CSMD2: variants seen among roughly 807,000 people sequenced by gnomAD.
The protein encoded by CSMD2 is CUB and Sushi multiple domains 2.
Under a neutral mutation model 398.5 loss-of-function variants are expected in CSMD2, and 130 were observed. The ratio of observed to expected loss-of-function variants is 0.33; its 90% CI spans 0.28 to 0.38. The LOEUF (loss-of-function observed/expected upper bound fraction) is 0.38. Ranked by LOEUF, CSMD2 falls within the 10% of genes least tolerant of loss-of-function variation. The pLI, the probability that CSMD2 is intolerant of heterozygous loss-of-function variation, is 1.00. For missense variants in CSMD2, 3,829 were observed against 4,764.9 expected (o/e 0.80, Z 5.78); for synonymous variants, 1,828 against 1,908.5 (o/e 0.96, Z 1.10).
intron 5 of CSMD2, among the ~76,000 whole-genome samples, chr1:33,892,941 G>C (rs1181157004): frequency 6.6e-6 from 1 of 152,244 alleles, no homozygotes. Flanking sequence ...GGAGGTGAAT[G>C]ACCAAATGCA....
In CSMD2 at chr1:33,622,286, C is replaced by T; in HGVS notation, c.5723-15G>A. On this transcript the variant is annotated splice_polypyrimidine_tract_variant and intron_variant, in intron 36 of 70. Transcript: ENST00000373381. ...CACGGTTGTTCCTAGGGCAAGGACA[C>T]CAGGGAAAACCATTTAAGTTTGGCT... is the stretch of plus-strand genomic sequence containing the variant. The T allele has an allele frequency of 2.5e-6, 4 of 1,594,640 alleles. No homozygotes were observed. The highest frequency in any genetic ancestry group is 3.4e-6 in the Non-Finnish European group (4 of 1,162,476).
At chr1:33,953,355 C>G (rs1353541538) in intron 3 of CSMD2, among the ~76,000 whole-genome samples, 1 of 152,180 alleles carries the variant, frequency 6.6e-6, no homozygotes, top group African/African-American at 2.4e-5. Flanking sequence ...CCTACCCATT[C>G]TCTGCTACAC....
chr1:33,733,114 A>G (rs953956272), intron 15 of CSMD2, among the ~76,000 whole-genome samples: 1 of 152,148 alleles, frequency 6.6e-6, no homozygotes, highest in Non-Finnish European at 1.5e-5. Flanking sequence ...CTGTAACGGG[A>G]TGTAGGCTGC....
At chr1:33,658,967 C>A (rs1466126376) in intron 26 of CSMD2, among the ~76,000 whole-genome samples, 1 of 152,130 alleles carries the variant, frequency 6.6e-6, no homozygotes, top group African/African-American at 2.4e-5. Context: ...GTGAGGTTAC[C>A]GGGAGTTACT....
intron 12 of CSMD2, among the ~76,000 whole-genome samples, chr1:33,786,165 AC>A (rs1653512843): frequency 6.6e-6 from 1 of 152,296 alleles, no homozygotes; most frequent in East Asian, 1.9e-4. Flanking sequence ...GCTCTACCCC[AC>A]CCAGATCTTT....
At chr1:33,516,905 GAA>G (rs3043317) in intron 70 of CSMD2, among the ~76,000 whole-genome samples, 78,792 of 149,850 alleles carry the variant, frequency 0.53, 21,132 homozygotes, top group African/African-American at 0.64. Flanking sequence ...AAAATCAGAT[GAA>G]AAAAAAAAAA....
intron 15 of CSMD2, among the ~76,000 whole-genome samples, chr1:33,733,844 T>C (rs546533931): frequency 6.6e-6 from 1 of 152,302 alleles, no homozygotes; most frequent in Admixed American, 6.5e-5. Context: ...CCTTTATAAA[T>C]TACCCAGTCT....
chr1:33,807,823 A>G (rs1369520635), intron 10 of CSMD2, among the ~76,000 whole-genome samples: 1 of 152,178 alleles, frequency 6.6e-6, no homozygotes, highest in Non-Finnish European at 1.5e-5. Context: ...CAAGGTCTAA[A>G]TTCTTTAGTT....
chr1:33,525,729 GGC>G (rs1462265763), intron 65 of CSMD2, among the ~76,000 whole-genome samples: 8 of 152,210 alleles, frequency 5.3e-5, no homozygotes, highest in Non-Finnish European at 1.0e-4. Flanking sequence ...TTGTTGCCCA[GGC>G]TGGAGTGCAA....
At chr1:34,125,091 C>T (rs1201590662) in intron 1 of CSMD2, among the ~76,000 whole-genome samples, 1 of 152,164 alleles carries the variant, frequency 6.6e-6, no homozygotes, top group Non-Finnish European at 1.5e-5. Flanking sequence ...AGAGCCAGGC[C>T]AGACCAAATA....
intron 2 of CSMD2, among the ~76,000 whole-genome samples, chr1:34,058,033 G>A (rs1260552118): frequency 2.6e-5 from 4 of 152,154 alleles, no homozygotes; most frequent in Non-Finnish European, 5.9e-5. Flanking sequence ...GAGTAGGGGC[G>A]TGGGACGAGG....
intron 3 of CSMD2, among the ~76,000 whole-genome samples, chr1:33,984,454 G>A (rs1646279424): frequency 6.6e-6 from 1 of 152,178 alleles, no homozygotes; most frequent in South Asian, 2.1e-4. Flanking sequence ...AGACACTCAA[G>A]TGTGAAGCTC....
chr1:34,022,021 G>A (rs1365887190), intron 3 of CSMD2, among the ~76,000 whole-genome samples: 2 of 152,062 alleles, frequency 1.3e-5, no homozygotes, highest in African/African-American at 2.4e-5. Context: ...CTTACGACTG[G>A]GGGCATCTTA....
At chr1:34,092,872 G>T (rs1422708475) in intron 1 of CSMD2, among the ~76,000 whole-genome samples, 1 of 152,104 alleles carries the variant, frequency 6.6e-6, no homozygotes, top group Non-Finnish European at 1.5e-5. Context: ...GGTAAACAAA[G>T]CAGCCGGAAA....
chr1:33,776,296 C>A (rs554851086), intron 12 of CSMD2, among the ~76,000 whole-genome samples: 1 of 152,230 alleles, frequency 6.6e-6, no homozygotes, highest in Non-Finnish European at 1.5e-5. Flanking sequence ...AGAGGCCCAG[C>A]CTTAGAGACC....
chr1:33,625,403 CTAGGA>C, intron 33 of CSMD2, 149 bp from the exon 34 acceptor site: 1 of 707,842 alleles, frequency 1.4e-6, no homozygotes. Context: ...CGAGGGCTAA[CTAGGA>C]GGATGCCTGT....
intron 55 of CSMD2, among the ~76,000 whole-genome samples, chr1:33,554,401 G>A (rs1657765235): frequency 6.6e-6 from 1 of 151,870 alleles, no homozygotes; most frequent in African/African-American, 2.4e-5. Flanking sequence ...CACCATGTTG[G>A]CCAGGATGGT....
chr1:33,930,949 C>T (rs1644293696), intron 4 of CSMD2, among the ~76,000 whole-genome samples: 1 of 152,216 alleles, frequency 6.6e-6, no homozygotes, highest in African/African-American at 2.4e-5. Flanking sequence ...CAGACCAAGT[C>T]CACCCTCCAG....
chr1:33,871,770 C>T (rs569464256), intron 5 of CSMD2, among the ~76,000 whole-genome samples: 1 of 152,266 alleles, frequency 6.6e-6, no homozygotes, highest in East Asian at 1.9e-4. Flanking sequence ...GTGTGTGCCA[C>T]CACATCTGGC....
Sources: allele counts gnomAD v4.1 joint callset (sites outside exome capture counted in the v4.1 genomes callset), GRCh38; gene constraint gnomAD v4.1.1; transcripts MANE v1.5; gene names NCBI Gene and HGNC (gene_info 2026-07-23, HGNC 2026-07-21).